The following NAA11 variants were observed in gnomAD, a reference collection of about 807,000 sequenced individuals.
The protein encoded by NAA11 is N-alpha-acetyltransferase 11, NatA catalytic subunit.
Under a neutral mutation model 16.1 loss-of-function variants are expected in NAA11, and 15 were observed. That is an observed-to-expected ratio of 0.93 (90% CI 0.62 to 1.44). The LOEUF is 1.44. Ranked by LOEUF, NAA11 falls within the 40% of genes most tolerant of loss-of-function variation. The probability of loss-of-function intolerance (pLI) is 0.00; values close to 1 mark genes in which losing one functional copy is unlikely to be tolerated. For missense variants in NAA11, 298 were observed against 291.3 expected (o/e 1.02, Z -0.17); for synonymous variants, 122 against 112.4 (o/e 1.09, Z -0.54).
At chr4:79,271,296 A>C (rs909196465) in intron 2 of NAA11, among the ~76,000 whole-genome samples, 1 of 135,588 alleles carries the variant, frequency 7.4e-6, no homozygotes, top group Non-Finnish European at 1.6e-5. Context: ...CAAAGAGAAT[A>C]AAATACCTAG....
At chr4:79,273,830 A>G (rs541027111) in intron 2 of NAA11, among the ~76,000 whole-genome samples, 45 of 152,236 alleles carry the variant, frequency 3.0e-4, no homozygotes, top group Admixed American at 3.9e-4. Context: ...AAATTCTTTC[A>G]TCAGGCTATT....
intron 1 of NAA11, among the ~76,000 whole-genome samples, chr4:79,303,076 TTA>T (rs59261096): frequency 0.015 from 1,027 of 67,230 alleles, 7 homozygotes; most frequent in Admixed American, 0.025. Flanking sequence ...TTGAGGCCTT[TTA>T]TATATATATA....
chr4:79,204,920 GGT>G, the NAA11 span, among the ~76,000 whole-genome samples: 4 of 49,406 alleles, frequency 8.1e-5, no homozygotes, highest in Non-Finnish European at 1.3e-4. Flanking sequence ...AATATTCCAT[GGT>G]GTGTATACAC....
At chr4:79,289,644 G>A (rs1472639605) in intron 2 of NAA11, among the ~76,000 whole-genome samples, 1 of 151,970 alleles carries the variant, frequency 6.6e-6, no homozygotes, top group Non-Finnish European at 1.5e-5. Context: ...TGGGAAGCTG[G>A]GATTTGAATT....
intron 2 of NAA11, among the ~76,000 whole-genome samples, chr4:79,286,674 G>A (rs1722945835): frequency 6.6e-6 from 1 of 151,748 alleles, no homozygotes; most frequent in Non-Finnish European, 1.5e-5. Flanking sequence ...TGTCAATAAG[G>A]GATTTGTACT....
chr4:79,307,045 T>C (rs1018410085), intron 1 of NAA11: 2 of 152,208 alleles, frequency 1.3e-5, no homozygotes, highest in Non-Finnish European at 2.9e-5. Flanking sequence ...AAACGATGCT[T>C]CATATGCCTT....
downstream of NAA11, among the ~76,000 whole-genome samples, chr4:79,224,225 C>G (rs1263233787): frequency 6.6e-6 from 1 of 152,046 alleles, no homozygotes; most frequent in Admixed American, 6.6e-5. Context: ...GACATAATTC[C>G]AAGGGCGGCC....
At chr4:79,190,293 A>G in the NAA11 span, among the ~76,000 whole-genome samples, 1 of 152,238 alleles carries the variant, frequency 6.6e-6, no homozygotes, top group Non-Finnish European at 1.5e-5. Context: ...AGATTTTGAA[A>G]AAGTATTTTA....
At chr4:79,274,297 A>G (rs1311309428) in intron 2 of NAA11, among the ~76,000 whole-genome samples, 2 of 152,054 alleles carry the variant, frequency 1.3e-5, no homozygotes, top group Non-Finnish European at 2.9e-5. Context: ...TGGGCTGATG[A>G]TTACTACTGA....
At chr4:79,178,850 C>A in the NAA11 span, among the ~76,000 whole-genome samples, 1 of 152,114 alleles carries the variant, frequency 6.6e-6, no homozygotes, top group Non-Finnish European at 1.5e-5. Context: ...GTTAAGGAGA[C>A]TGCTGTGCAA....
chr4:79,173,685 T>C, the NAA11 span, among the ~76,000 whole-genome samples: 5 of 151,954 alleles, frequency 3.3e-5, no homozygotes, highest in South Asian at 1.0e-3. Flanking sequence ...GATATTCTCG[T>C]GGGGGAGAAC....
intron 2 of NAA11, among the ~76,000 whole-genome samples, chr4:79,254,093 T>C (rs1307587613): frequency 6.6e-6 from 1 of 152,168 alleles, no homozygotes; most frequent in East Asian, 1.9e-4. Flanking sequence ...GTGTGATGGA[T>C]TGGTGAGCTT....
chr4:79,208,421 C>T, the NAA11 span, among the ~76,000 whole-genome samples: 151,174 of 152,322 alleles, frequency 0.99, 75,026 homozygotes, highest in Middle Eastern at 1. Context: ...CAAGGTTATA[C>T]TTTCTATAAA....
At chr4:79,291,795 G>A (rs1471092776) in intron 2 of NAA11, among the ~76,000 whole-genome samples, 1 of 152,060 alleles carries the variant, frequency 6.6e-6, no homozygotes, top group East Asian at 1.9e-4. Context: ...TAGAGGTTCT[G>A]ATGAAACATG....
At chr4:79,171,748 T>C in the NAA11 span, among the ~76,000 whole-genome samples, 545 of 152,288 alleles carry the variant, frequency 3.6e-3, 7 homozygotes, top group African/African-American at 0.012. Context: ...CTATGATCAA[T>C]ATTTAATCTT....
At chr4:79,190,008 T>A in the NAA11 span, among the ~76,000 whole-genome samples, 2 of 152,098 alleles carry the variant, frequency 1.3e-5, no homozygotes, top group Non-Finnish European at 2.9e-5. Context: ...ATTATTGACA[T>A]TGGGTAGCAA....
intron 2 of NAA11, among the ~76,000 whole-genome samples, chr4:79,260,045 T>C (rs1045084405): frequency 6.6e-6 from 1 of 152,226 alleles, no homozygotes; most frequent in African/African-American, 2.4e-5. Flanking sequence ...TCACCCTCTA[T>C]GGGACTGGGC....
chr4:79,248,595 C>A (rs190689886), intron 2 of NAA11, among the ~76,000 whole-genome samples: 133 of 152,256 alleles, frequency 8.7e-4, no homozygotes, highest in African/African-American at 3.1e-3. Flanking sequence ...GTGCTCTACC[C>A]CTGCATTGAT....
chr4:79,211,208 A>G, the NAA11 span, among the ~76,000 whole-genome samples: 1 of 152,218 alleles, frequency 6.6e-6, no homozygotes, highest in Admixed American at 6.5e-5. Flanking sequence ...TTTTATATGC[A>G]TGCAATATAA....
Sources: allele counts gnomAD v4.1 joint callset (sites outside exome capture counted in the v4.1 genomes callset), GRCh38; gene constraint gnomAD v4.1.1; transcripts MANE v1.5; gene names NCBI Gene and HGNC (gene_info 2026-07-23, HGNC 2026-07-21).